The following CEP128 variants were observed in gnomAD, a reference collection of about 807,000 sequenced individuals.
CEP128 encodes centrosomal protein 128kDa.
A neutral mutation model predicts 156.7 loss-of-function variants in CEP128; 132 were observed. The ratio of observed to expected loss-of-function variants is 0.84; its 90% confidence interval spans 0.73 to 0.97. The LOEUF (loss-of-function observed/expected upper bound fraction) is 0.97, where lower values mean the gene tolerates loss of function less well. CEP128 is among the 50% of genes least tolerant of loss of function. The probability of loss-of-function intolerance (pLI) is 0.00; values close to 1 mark genes in which losing one functional copy is unlikely to be tolerated. For missense variants in CEP128, 1,252 were observed against 1,281.9 expected (o/e 0.98, Z 0.36); for synonymous variants, 469 against 448.9 (o/e 1.04, Z -0.57).
intron 21 of CEP128, among the ~76,000 whole-genome samples, chr14:80,539,224 G>A (rs1889627820): frequency 6.6e-6 from 1 of 152,194 alleles, no homozygotes; most frequent in African/African-American, 2.4e-5. Flanking sequence ...CTCTGAAGAA[G>A]TGTAAAGCAG....
At chr14:80,603,804 C>G (rs1892674397) in intron 19 of CEP128, among the ~76,000 whole-genome samples, 1 of 152,120 alleles carries the variant, frequency 6.6e-6, no homozygotes, top group South Asian at 2.1e-4. Context: ...TCCCATACTG[C>G]TAGGATAAAG....
chr14:80,563,986 C>A (rs1482198933), intron 20 of CEP128, among the ~76,000 whole-genome samples: 2 of 152,064 alleles, frequency 1.3e-5, no homozygotes, highest in African/African-American at 4.8e-5. Context: ...ACAATTATGA[C>A]TATAACTAAG....
intron 8 of CEP128, among the ~76,000 whole-genome samples, chr14:80,869,971 T>C (rs1887947579): frequency 6.6e-6 from 1 of 151,920 alleles, no homozygotes; most frequent in Non-Finnish European, 1.5e-5. Flanking sequence ...CTATGAACAA[T>C]TTTATGCCAA....
At chr14:80,490,226 C>T (rs553780042), downstream of CEP128, among the ~76,000 whole-genome samples, 7 of 151,956 alleles carry the variant, frequency 4.6e-5, no homozygotes, top group East Asian at 1.2e-3. Context: ...TCCCTGATCT[C>T]GATGTCGACA....
intron 13 of CEP128, among the ~76,000 whole-genome samples, chr14:80,803,355 T>TAAAA (rs11374763): frequency 7.0e-6 from 1 of 143,804 alleles, no homozygotes. Context: ...AGCCCTATGT[T>TAAAA]AAAAAAAAAA....
At chr14:80,819,976 A>C (rs1205218697) in intron 13 of CEP128, among the ~76,000 whole-genome samples, 2 of 152,084 alleles carry the variant, frequency 1.3e-5, no homozygotes, top group Admixed American at 1.3e-4. Context: ...ATCTAATCAG[A>C]CACAAAGATG....
At chr14:80,950,580 C>G (rs993161366) in intron 2 of CEP128, among the ~76,000 whole-genome samples, 2 of 152,026 alleles carry the variant, frequency 1.3e-5, no homozygotes, top group Non-Finnish European at 2.9e-5. Flanking sequence ...GCAAAAGAAA[C>G]AATCCATAAT....
intron 19 of CEP128, among the ~76,000 whole-genome samples, chr14:80,617,207 T>C (rs933725566): frequency 7.0e-6 from 1 of 143,804 alleles, no homozygotes; most frequent in Admixed American, 7.2e-5. Context: ...ACTTAACCTA[T>C]GTGAATATCA....
intron 20 of CEP128, among the ~76,000 whole-genome samples, chr14:80,568,419 C>A (rs1891006079): frequency 6.6e-6 from 1 of 152,164 alleles, no homozygotes; most frequent in African/African-American, 2.4e-5. Flanking sequence ...TTCCAGTAAT[C>A]CACATCATAA....
intron 13 of CEP128, among the ~76,000 whole-genome samples, chr14:80,795,322 C>A (rs1396114671): frequency 6.6e-6 from 1 of 152,180 alleles, no homozygotes; most frequent in Non-Finnish European, 1.5e-5. Flanking sequence ...AGCTATTACA[C>A]CCTCTTCCTT....
chr14:80,643,622 A>T (rs2140805201), intron 19 of CEP128, among the ~76,000 whole-genome samples: 1 of 152,176 alleles, frequency 6.6e-6, no homozygotes, highest in African/African-American at 2.4e-5. Context: ...AGGCCGGAGA[A>T]TCACTTGAAC....
At chr14:80,598,746 C>T (rs1892449793) in intron 19 of CEP128, among the ~76,000 whole-genome samples, 2 of 152,036 alleles carry the variant, frequency 1.3e-5, no homozygotes, top group Admixed American at 1.3e-4. Context: ...AGTATCAAGA[C>T]TGTGGTTTTG....
chr14:80,801,519 A>G (rs1409025706), intron 13 of CEP128, among the ~76,000 whole-genome samples: 3 of 152,124 alleles, frequency 2.0e-5, no homozygotes, highest in Admixed American at 6.5e-5. Context: ...TTTAGAAGAA[A>G]AAAAAACAAA....
intron 19 of CEP128, among the ~76,000 whole-genome samples, chr14:80,672,473 T>C (rs1895883216): frequency 6.6e-6 from 1 of 152,106 alleles, no homozygotes; most frequent in Non-Finnish European, 1.5e-5. Context: ...AAAAGCAACA[T>C]AGCTAAGTCT....
rs545948544 is a variant in CEP128 at position 80,881,209 on chromosome 14, A to C, written c.645+14509T>G. Among the ~76,000 whole-genome samples the C allele has an allele frequency of 2.4e-3, 369 of 152,238 alleles. 3 individuals are homozygous for C. The highest frequency in any genetic ancestry group is 8.4e-3 in the African/African-American group (351 of 41,562). ...TAAGAAAAAAATAGAGAAGATCCAA[A>C]TAAATAAAATCAGAGGTGAAAATGG... On this transcript the variant is annotated intron_variant, in intron 8 of 24. Coordinates refer to ENST00000555265, the MANE Select transcript of CEP128 (RefSeq NM_152446.5).
exon 15 of CEP128, chr14:80,477,487 T>G (rs1358199928): frequency 1.3e-5 from 2 of 152,180 alleles, no homozygotes; most frequent in African/African-American, 4.8e-5. Flanking sequence ...GAACAAAGTC[T>G]TAAAATGTAA....
At position 80,751,733 on chromosome 14, in the gene CEP128, G is replaced by A. The variant is rs143641114; in HGVS notation, c.2613+5159C>T. The stretch of plus-strand genomic sequence containing the variant: ...CAACCTTTGCCTCCTGGGTTGAAGC[G>A]ATTCTCCTGCCTCAGCAACCGAAGT... On this transcript the variant is annotated intron_variant, in intron 18 of 24. Transcript: ENST00000555265. Among the ~76,000 whole-genome samples, 435 of 151,536 alleles carry A rather than the reference G, an allele frequency of 2.9e-3. 2 individuals carry two copies. Among genetic ancestry groups the A allele is most frequent in the African/African-American group, 9.9e-3 (408 of 41,268 alleles).
At chr14:80,802,793 G>T (rs1386777831) in intron 13 of CEP128, among the ~76,000 whole-genome samples, 2 of 152,136 alleles carry the variant, frequency 1.3e-5, no homozygotes, top group African/African-American at 4.8e-5. Flanking sequence ...GCTTGAGAAA[G>T]ATTAATCACC....
chr14:80,851,211 G>A (rs1595496695), intron 9 of CEP128, among the ~76,000 whole-genome samples: 1 of 152,128 alleles, frequency 6.6e-6, no homozygotes, highest in South Asian at 2.1e-4. Flanking sequence ...TAAACGAGAT[G>A]CACAAAGCCC....
Sources: allele counts gnomAD v4.1 joint callset (sites outside exome capture counted in the v4.1 genomes callset), GRCh38; gene constraint gnomAD v4.1.1; transcripts MANE v1.5; gene names NCBI Gene and HGNC (gene_info 2026-07-23, HGNC 2026-07-21).